The following CFAP95 variants were observed in gnomAD, a reference collection of about 807,000 sequenced individuals.
The protein encoded by CFAP95 is cilia and flagella associated protein 95.
chr9:69,846,031 G>C, the CFAP95 span, among the ~76,000 whole-genome samples: 1 of 152,218 alleles, frequency 6.6e-6, no homozygotes, highest in Non-Finnish European at 1.5e-5. Context: ...TGGGGCTGTG[G>C]TCAGGAGAAG....
the CFAP95 span, among the ~76,000 whole-genome samples, chr9:69,867,597 A>G: frequency 2.0e-3 from 299 of 152,330 alleles, no homozygotes; most frequent in African/African-American, 6.5e-3. Context: ...TGCCCTCTGC[A>G]GCTGGGCTGG....
At chr9:69,832,133 C>T in the CFAP95 span, among the ~76,000 whole-genome samples, 6 of 152,192 alleles carry the variant, frequency 3.9e-5, no homozygotes, top group East Asian at 7.7e-4. Flanking sequence ...ATAAGAACCC[C>T]GAGCTTTCAG....
At chr9:69,822,535 A>C in the CFAP95 span, among the ~76,000 whole-genome samples, 1 of 152,198 alleles carries the variant, frequency 6.6e-6, no homozygotes, top group East Asian at 1.9e-4. Flanking sequence ...CTCAAGCAAA[A>C]CACTTAGCTC....
chr9:69,867,031 A>G, the CFAP95 span, among the ~76,000 whole-genome samples: 1 of 152,210 alleles, frequency 6.6e-6, no homozygotes, highest in Non-Finnish European at 1.5e-5. Flanking sequence ...TCTTTGCATT[A>G]TCCTTGCATA....
At chr9:69,900,330 C>A in the CFAP95 span, among the ~76,000 whole-genome samples, 1 of 152,118 alleles carries the variant, frequency 6.6e-6, no homozygotes, top group African/African-American at 2.4e-5. Flanking sequence ...ATGCAGCTTT[C>A]CCTACAATGG....
At chr9:69,865,159 C>G in the CFAP95 span, among the ~76,000 whole-genome samples, 1 of 152,148 alleles carries the variant, frequency 6.6e-6, no homozygotes, top group South Asian at 2.1e-4. Context: ...TTTGCTCACT[C>G]TTCTCTCTCC....
chr9:69,904,436 T>C, the CFAP95 span, among the ~76,000 whole-genome samples: 1 of 152,278 alleles, frequency 6.6e-6, no homozygotes, highest in Admixed American at 6.5e-5. Context: ...ATTCATGTAA[T>C]TGATGACATG....
At chr9:69,864,643 C>T in the CFAP95 span, among the ~76,000 whole-genome samples, 1 of 152,134 alleles carries the variant, frequency 6.6e-6, no homozygotes, top group African/African-American at 2.4e-5. Flanking sequence ...TGGGATGGAG[C>T]ACTTATCCTT....
the CFAP95 span, among the ~76,000 whole-genome samples, chr9:69,861,886 G>A: frequency 1.3e-5 from 2 of 151,954 alleles, no homozygotes; most frequent in South Asian, 2.1e-4. Context: ...CACCTGATCT[G>A]CAACCTCCTC....
chr9:69,843,607 T>G, the CFAP95 span, among the ~76,000 whole-genome samples: 1,139 of 67,574 alleles, frequency 0.017, 109 homozygotes, highest in African/African-American at 0.02. Flanking sequence ...CTTCTTCTTC[T>G]TCTTCTTCTT....
the CFAP95 span, among the ~76,000 whole-genome samples, chr9:69,839,203 GT>G: frequency 2.9e-4 from 36 of 122,196 alleles, no homozygotes; most frequent in Admixed American, 2.8e-4. Flanking sequence ...CTCTTTTTTT[GT>G]TGTGTCTCTG....
At chr9:69,899,589 G>C in the CFAP95 span, among the ~76,000 whole-genome samples, 1 of 152,182 alleles carries the variant, frequency 6.6e-6, no homozygotes, top group Non-Finnish European at 1.5e-5. Context: ...TCACAATGTT[G>C]GTCCTTGATT....
chr9:69,827,301 T>A, the CFAP95 span, among the ~76,000 whole-genome samples: 1 of 152,206 alleles, frequency 6.6e-6, no homozygotes, highest in African/African-American at 2.4e-5. Context: ...TGGAAATATA[T>A]TCACTCTGTA....
chr9:69,888,506 T>C, the CFAP95 span, among the ~76,000 whole-genome samples: 1 of 152,136 alleles, frequency 6.6e-6, no homozygotes, highest in African/African-American at 2.4e-5. Flanking sequence ...ACACACCCCA[T>C]TTACAAATAC....
the CFAP95 span, among the ~76,000 whole-genome samples, chr9:69,840,440 T>G: frequency 5.3e-5 from 8 of 152,198 alleles, no homozygotes; most frequent in African/African-American, 1.9e-4. Flanking sequence ...AATAATATTT[T>G]GCATTTATAT....
chr9:69,843,523 T>A, the CFAP95 span, among the ~76,000 whole-genome samples: 74 of 11,480 alleles, frequency 6.4e-3, 12 homozygotes, highest in African/African-American at 0.022. Flanking sequence ...CTCCTCCTCC[T>A]CCTCCTCCTC....
chr9:69,891,308 T>C, the CFAP95 span, among the ~76,000 whole-genome samples: 1 of 152,214 alleles, frequency 6.6e-6, no homozygotes, highest in African/African-American at 2.4e-5. Context: ...TTGAGATTTC[T>C]GTGCTGGTTG....
chr9:69,884,114 A>G, the CFAP95 span, among the ~76,000 whole-genome samples: 1 of 151,976 alleles, frequency 6.6e-6, no homozygotes, highest in African/African-American at 2.4e-5. Flanking sequence ...GTTTTAAGGA[A>G]TTTTTCAATT....
At chr9:69,904,600 T>C in the CFAP95 span, among the ~76,000 whole-genome samples, 1 of 152,144 alleles carries the variant, frequency 6.6e-6, no homozygotes, top group Non-Finnish European at 1.5e-5. Flanking sequence ...GCCTATGAAA[T>C]GCTGAAGGAG....
Sources: gnomAD v4.1 joint callset for allele counts (sites outside exome capture counted in the v4.1 genomes callset) on GRCh38, gnomAD v4.1.1 for gene constraint, MANE v1.5 for transcripts, NCBI Gene and HGNC (gene_info 2026-07-23, HGNC 2026-07-21) for gene names.